The following RRP1B variants were observed in gnomAD, a reference collection of about 807,000 sequenced individuals.
RRP1B encodes the protein ribosomal RNA processing 1B.
In RRP1B, 56 loss-of-function variants were observed where a neutral mutation model predicts 80.2. That is an observed-to-expected ratio of 0.70 (90% CI 0.56 to 0.87). The LOEUF (loss-of-function observed/expected upper bound fraction) is 0.87, where lower values mean the gene tolerates loss of function less well. Among genes scored for constraint, RRP1B ranks in the 40% least tolerant of loss-of-function variants. RRP1B has a pLI of 0.00. For missense variants in RRP1B, 807 were observed against 939.8 expected (o/e 0.86, Z 1.85); for synonymous variants, 351 against 357.6 (o/e 0.98, Z 0.21).
In RRP1B at chr21:43,691,070, T is replaced by C. The variant is rs1338922925; in HGVS notation, c.2020-369T>C. On this transcript the variant is annotated intron_variant, in intron 14 of 15. Coordinates refer to ENST00000340648, the MANE Select transcript of RRP1B (RefSeq NM_015056.3). This position sits in a 1 kb window ranked among gnomAD's most constrained non-coding sequence, Gnocchi z 4.2. ...GGCATTTTTCCTCACGGGTTCTCAG[T>C]GGTGAACTGTTTTTAGGACAGTTCA... Among the ~76,000 whole-genome samples the C allele has an allele frequency of 6.6e-6, 1 of 152,128 alleles. No homozygotes were observed. The highest frequency in any genetic ancestry group is 1.5e-5 in the Non-Finnish European group (1 of 68,032).
At chr21:43,665,788 G>T (rs1347375847) in intron 1 of RRP1B, among the ~76,000 whole-genome samples, 1 of 152,108 alleles carries the variant, frequency 6.6e-6, no homozygotes, top group Non-Finnish European at 1.5e-5. Flanking sequence ...AGCCAAGATG[G>T]GACACTCCCT....
intron 8 of RRP1B, among the ~76,000 whole-genome samples, chr21:43,681,769 T>TAATGAGACCCCCATCTCTAA: frequency 6.6e-6 from 1 of 152,210 alleles, no homozygotes; most frequent in East Asian, 1.9e-4. Context: ...TTGGGCAACA[T>TAATGAGACCCCCATCTCTAA]AACAAGACCT....
rs142705199 is a variant in RRP1B, at chr21:43,684,608, C to T, written c.947C>T (p.Thr316Met). 394 of 1,614,164 alleles carry T rather than the reference C, an allele frequency of 2.4e-4. 1 individual carries two copies. Among genetic ancestry groups the T allele is most frequent in the Admixed American group, 1.7e-3 (104 of 60,030 alleles). ...RLLEMTSRKNTPHFNRKRLSK... is the reference protein window; with the variant it reads ...RLLEMTSRKNMPHFNRKRLSK... ...CTGGAAATGACCAGCAGGAAGAACA[C>T]GCCCCACTTCAACAGGAAGCGCCTC... The change falls in exon 10 of 16, where the codon ACG (threonine) becomes ATG (methionine). Residue 316 changes from threonine (T) to methionine (M), a missense_variant. By Grantham distance (81) the Thr-to-Met change is moderately conservative. Transcript: ENST00000340648.
Position 43,693,359 on chromosome 21 carries a change from G to T in RRP1B, c.2253G>T (p.Arg751Ser). ...CCCTGACCACCACACCAAGGAGAAG[G>T]CCCAGGGCTATGGATTTCTTCTGAG... ...KKPLTTTPRR[R>S]PRAMDFF Residue 751 changes from arginine to serine, a missense_variant, in exon 16 of 16, where the codon AGG becomes AGT. Transcript: ENST00000340648. This position sits in a 1 kb window ranked among gnomAD's most constrained non-coding sequence, Gnocchi z 4.1. 1.3e-6 allele frequency: 2 copies of T among 1,593,802 alleles called. No individual in the cohort carries two copies. Among genetic ancestry groups the T allele is most frequent in the South Asian group, 2.2e-5 (2 of 88,998 alleles).
intron 9 of RRP1B, among the ~76,000 whole-genome samples, chr21:43,683,744 C>G (rs997919830): frequency 6.6e-6 from 1 of 151,780 alleles, no homozygotes; most frequent in Admixed American, 6.6e-5. Flanking sequence ...CTTTGGGAGG[C>G]CCAGGCGGGC....
At chr21:43,669,687 T>C (rs61534144) in intron 1 of RRP1B, among the ~76,000 whole-genome samples, 197 bp from the exon 2 acceptor site, 2,241 of 152,342 alleles carry the variant, frequency 0.015, 56 homozygotes, top group African/African-American at 0.05. Flanking sequence ...CACCCTACCC[T>C]GTAGCTGATA....
intron 3 of RRP1B, 94 bp downstream of exon 3, chr21:43,672,459 C>G (rs1331099712): frequency 1.9e-6 from 2 of 1,031,242 alleles, no homozygotes; most frequent in Non-Finnish European, 3.0e-6. Flanking sequence ...TGTCAGGGGA[C>G]AAGCCATTCC....
intron 1 of RRP1B, among the ~76,000 whole-genome samples, chr21:43,662,927 C>A (rs2082963609): frequency 6.6e-6 from 1 of 152,180 alleles, no homozygotes; most frequent in Non-Finnish European, 1.5e-5. Context: ...AAAATCAACC[C>A]AGTGACAATT....
chr21:43,678,923 T>C (rs1047455746), intron 8 of RRP1B, among the ~76,000 whole-genome samples: 2 of 152,218 alleles, frequency 1.3e-5, no homozygotes, highest in African/African-American at 4.8e-5. Flanking sequence ...CTTTAATCCA[T>C]CTTGAGTTGG....
Position 43,690,312 on chromosome 21 carries a change from C to G in RRP1B, c.1891C>G (p.Leu631Val), listed in dbSNP as rs2083081439. 1.9e-6 allele frequency: 3 copies of G among 1,614,086 alleles called. No homozygotes were observed. Among genetic ancestry groups the G allele is most frequent in the Non-Finnish European group, 2.5e-6 (3 of 1,180,028 alleles). ...GGGAAGCAGTGGGACTTGCAGTTCC[C>G]TGAAGAAGCAGAAGCTGAGGGCAGA... ...ALGSSGTCSS[L>V]KKQKLRAESD... The change falls in exon 14 of 16, where the codon CTG (leucine) becomes GTG (valine). Residue 631 changes from leucine to valine, a missense_variant. Physicochemically the swap from Leu to Val is conservative, Grantham distance 32. Transcript: ENST00000340648.
chr21:43,674,767 TGA>T, intron 5 of RRP1B, 70 bp downstream of exon 5: 1 of 1,370,086 alleles, frequency 7.3e-7, no homozygotes, highest in Non-Finnish European at 1.0e-6. Flanking sequence ...TCAAGTTTTC[TGA>T]ACTTGTAGAG....
intron 9 of RRP1B, among the ~76,000 whole-genome samples, chr21:43,683,972 C>A (rs1009262578): frequency 0.015 from 1,307 of 88,696 alleles, no homozygotes; most frequent in South Asian, 0.016. Context: ...GACTCTGGCT[C>A]AAAAAAAAAA....
chr21:43,686,658 G>T (rs966645266), intron 11 of RRP1B, 146 bp from the exon 12 acceptor site: 2 of 875,966 alleles, frequency 2.3e-6, no homozygotes, highest in Non-Finnish European at 1.7e-6. Flanking sequence ...TGTAATTCCT[G>T]TGTCAGCAGC....
rs1248740986 is a variant in RRP1B at position 43,695,101 on chromosome 21, GATCCTCAC to G, written c.*1723_*1730del. 6.6e-6 allele frequency: 1 copy of G among 151,750 alleles called. No homozygotes were observed. The highest frequency in any genetic ancestry group is 1.5e-5 in the Non-Finnish European group (1 of 68,000). The allele number at this position is 151,750 out of a possible 1,614,324, so 9.4% of individuals were successfully genotyped here. The stretch of plus-strand genomic sequence containing the variant: ...GTGGCTTAATGGCTGCATTAGATAG[GATCCTCAC>G]ATCCCATTCAGAACCAAAACTGATA... On this transcript the variant is annotated 3_prime_UTR_variant, in exon 16 of 16. Transcript: ENST00000340648.
intron 4 of RRP1B, 77 bp from the exon 5 acceptor site, chr21:43,674,559 T>G: frequency 2.1e-5 from 23 of 1,115,140 alleles, no homozygotes; most frequent in Admixed American, 2.7e-5. Flanking sequence ...TTCATTCTGC[T>G]GAGCTGATTA....
chr21:43,682,077 G>A (rs892127687), intron 8 of RRP1B, among the ~76,000 whole-genome samples: 1 of 152,128 alleles, frequency 6.6e-6, no homozygotes, highest in Non-Finnish European at 1.5e-5. Flanking sequence ...GACCAGCTTG[G>A]GCAACATAAT....
chr21:43,659,838 G>A lies in RRP1B; in HGVS notation c.130+44G>A. The A allele has an allele frequency of 6.8e-7, 1 of 1,477,548 alleles. No homozygotes were observed. The highest frequency in any genetic ancestry group is 1.3e-5 in the South Asian group (1 of 76,640). 91.5% of individuals were successfully genotyped at this position (1,477,548 alleles called of 1,614,324 possible). On this transcript the variant is annotated intron_variant, in intron 1 of 15. Coordinates refer to ENST00000340648, the MANE Select transcript of RRP1B (RefSeq NM_015056.3). This position sits in a 1 kb window ranked among gnomAD's most constrained non-coding sequence, Gnocchi z 4.2. ...TCAGCCGCGCCACATGGCGGGCCGG[G>A]GGCCGGGGCTGGGGCTAGGGCCAGG...
chr21:43,686,481 C>G (rs1038607502), intron 11 of RRP1B: 5 of 260,984 alleles, frequency 1.9e-5, no homozygotes, highest in South Asian at 6.3e-5. Flanking sequence ...ACCCCATACC[C>G]GTCATTCACT....
intron 4 of RRP1B, 24 bp from the exon 5 acceptor site, chr21:43,674,612 T>TTA (rs1555879174): frequency 7.8e-5 from 104 of 1,327,468 alleles, no homozygotes; most frequent in East Asian, 3.0e-4. Flanking sequence ...TTTTTTTTTT[T>TTA]AAACAAAAAT....
Sources: allele counts gnomAD v4.1 joint callset (sites outside exome capture counted in the v4.1 genomes callset), GRCh38; gene constraint gnomAD v4.1.1; non-coding constraint Gnocchi (gnomAD v3.1); transcripts MANE v1.5; gene names NCBI Gene and HGNC (gene_info 2026-07-23, HGNC 2026-07-21).